The following NUMA1 variants were observed in gnomAD, a reference collection of about 807,000 sequenced individuals.
NUMA1 encodes the protein nuclear mitotic apparatus protein 1, also known as SP-H antigen.
Under a neutral mutation model 237.1 loss-of-function variants are expected in NUMA1, and 62 were observed. The ratio of observed to expected loss-of-function variants is 0.26; its 90% CI spans 0.21 to 0.32. NUMA1 has a LOEUF of 0.32. NUMA1 is among the 10% of genes least tolerant of loss of function. The probability of loss-of-function intolerance (pLI) is 1.00; values close to 1 mark genes in which losing one functional copy is unlikely to be tolerated. For missense variants in NUMA1, 2,533 were observed against 2,666.5 expected (o/e 0.95, Z 1.10); for synonymous variants, 1,028 against 1,066.1 (o/e 0.96, Z 0.70).
intron 3 of NUMA1, among the ~76,000 whole-genome samples, chr11:72,031,192 A>G (rs780773089): frequency 6.6e-6 from 1 of 152,054 alleles, no homozygotes; most frequent in Non-Finnish European, 1.5e-5. Flanking sequence ...TCCTACCTAC[A>G]TAAGAGGCTG....
chr11:72,021,547 T>G (rs747533552), intron 7 of NUMA1, among the ~76,000 whole-genome samples: 1 of 152,240 alleles, frequency 6.6e-6, no homozygotes, highest in Admixed American at 6.5e-5. Context: ...CTGACTGACT[T>G]AACTCCTGAC....
At chr11:72,016,573 G>T in intron 13 of NUMA1, 43 bp from the exon 14 acceptor site, 1 of 1,600,478 alleles carries the variant, frequency 6.2e-7, no homozygotes, top group East Asian at 2.2e-5. Flanking sequence ...GGGGGAACAG[G>T]CACCAGATTA....
At chr11:72,020,962 G>A (rs748822995) in intron 8 of NUMA1, 5 of 449,512 alleles carry the variant, frequency 1.1e-5, no homozygotes, top group African/African-American at 4.0e-5. Flanking sequence ...ACAAAAGTAG[G>A]TATGATCACT....
At position 72,013,633 on chromosome 11, in the gene NUMA1, C is replaced by T. The variant is rs760082607; in HGVS notation, c.3870G>A (p.Leu1290=). The change falls in exon 15 of 27, where the codon CTG becomes CTA. Residue 1290 remains leucine, a synonymous_variant. Coordinates refer to ENST00000393695, the MANE Select transcript of NUMA1 (RefSeq NM_006185.4). The surrounding 1 kb of genome is among the most constrained non-coding windows in gnomAD (Gnocchi z 6.8). ...SARAAERSSA[L]REEVQSLREE... ...CCCGGAGGCTCTGCACCTCCTCCCG[C>T]AGAGCAGAGCTGCGTTCTGCAGCTC... 2 of 1,610,370 alleles carry T rather than the reference C, an allele frequency of 1.2e-6. No homozygotes were observed. Among genetic ancestry groups the T allele is most frequent in the Non-Finnish European group, 1.7e-6 (2 of 1,179,982 alleles).
At chr11:72,008,538 C>A in intron 20 of NUMA1, 150 bp downstream of exon 20, 2 of 860,970 alleles carry the variant, frequency 2.3e-6, no homozygotes, top group South Asian at 1.6e-5. Context: ...TCCAACTGTG[C>A]CCTAAATAGA....
At position 72,037,333 on chromosome 11, in the gene NUMA1, G is replaced by A. The variant is rs138421146; in HGVS notation, c.-32-1358C>T. On this transcript the variant is annotated intron_variant, in intron 2 of 26. Coordinates refer to ENST00000393695, the MANE Select transcript of NUMA1 (RefSeq NM_006185.4). ...ATCCTGGCTAACATGGTGAAACCCC[G>A]TCTCTACTAAAAATACAAAAAAATT... Among the ~76,000 whole-genome samples, 709 of 152,180 alleles carry A rather than the reference G, an allele frequency of 4.7e-3. 4 individuals are homozygous for A. Among genetic ancestry groups the A allele is most frequent in the African/African-American group, 0.014 (563 of 41,510 alleles).
chr11:72,019,187 G>GA (rs370842228), intron 9 of NUMA1, among the ~76,000 whole-genome samples: 47 of 144,608 alleles, frequency 3.3e-4, no homozygotes, highest in South Asian at 8.7e-4. Context: ...TTCTTTGTCA[G>GA]AAAAAAAAAA....
At chr11:72,076,278 G>A (rs974809159) in intron 1 of NUMA1, among the ~76,000 whole-genome samples, 22 of 152,328 alleles carry the variant, frequency 1.4e-4, no homozygotes, top group African/African-American at 5.1e-4. Flanking sequence ...GGAGGCTGAG[G>A]TGGGCGGACT....
At position 72,021,091 on chromosome 11, in the gene NUMA1, A is replaced by G. The variant is rs547839030; in HGVS notation, c.460+113T>C. 25 of 826,168 alleles carry G rather than the reference A, an allele frequency of 3.0e-5. 1 individual carries two copies. Among genetic ancestry groups the G allele is most frequent in the African/African-American group, 2.0e-4 (12 of 59,442 alleles). 51.2% of individuals were successfully genotyped at this position (826,168 alleles called of 1,614,324 possible). ...TTACACACACTTTTCCTGAGCATCA[A>G]CTCTGCCTTGTGTTGGGGACAGAAA... On this transcript the variant is annotated intron_variant, in intron 8 of 26. Coordinates refer to ENST00000393695, the MANE Select transcript of NUMA1 (RefSeq NM_006185.4).
chr11:72,032,505 G>A (rs1034130739), intron 3 of NUMA1, among the ~76,000 whole-genome samples: 3 of 152,188 alleles, frequency 2.0e-5, no homozygotes, highest in Non-Finnish European at 4.4e-5. Context: ...CCAATTAGCT[G>A]ATGTAAAGTC....
In NUMA1 at chr11:72,029,185, G is replaced by GGGGTAT; in HGVS notation, c.128+14_128+19dup. On this transcript the variant is annotated intron_variant, in intron 4 of 26. Transcript: ENST00000393695. ...TCAGCTTTGCCTTAGAGGCTAGAAAGGGGTATGGTGCGTACTCACATTCTG... is the reference window on the plus strand; with the variant it reads ...TCAGCTTTGCCTTAGAGGCTAGAAAGGGGTATGGGTATGGTGCGTACTCACATTCTG... The GGGGTAT allele has an allele frequency of 6.3e-7, 1 of 1,585,346 alleles. No individual in the cohort carries two copies. Among genetic ancestry groups the GGGGTAT allele is most frequent in the South Asian group, 1.1e-5 (1 of 90,182 alleles).
At position 72,016,298 on chromosome 11, in the gene NUMA1, T is replaced by G. The variant is rs562771308; in HGVS notation, c.1243-38A>C. The G allele has an allele frequency of 1.3e-4, 204 of 1,583,574 alleles. No homozygotes were observed. The South Asian group carries it at 2.2e-3, about 17-fold the overall frequency. On this transcript the variant is annotated intron_variant, in intron 14 of 26. Coordinates refer to ENST00000393695, the MANE Select transcript of NUMA1 (RefSeq NM_006185.4). Reference sequence around the variant, plus strand: ...AGAGACAAACTGGGATCAGCATGACTCCTCAGTCATCAAGACTCCTCTGGA... The same window carrying G: ...AGAGACAAACTGGGATCAGCATGACGCCTCAGTCATCAAGACTCCTCTGGA...
chr11:72,031,574 T>G (rs1940315808), intron 3 of NUMA1, among the ~76,000 whole-genome samples: 1 of 151,994 alleles, frequency 6.6e-6, no homozygotes, highest in Non-Finnish European at 1.5e-5. Context: ...GTGGAAGGAC[T>G]GCTTGAGGCC....
intron 7 of NUMA1, 158 bp downstream of exon 7, chr11:72,022,181 T>C: frequency 1.7e-6 from 1 of 576,124 alleles, no homozygotes; most frequent in Non-Finnish European, 3.1e-6. Context: ...TCCTCCTGCA[T>C]GCTTTTCAAC....
chr11:72,010,922 C>G, intron 16 of NUMA1, 68 bp from the exon 17 acceptor site: 2 of 1,386,970 alleles, frequency 1.4e-6, no homozygotes, highest in Non-Finnish European at 2.1e-6. Context: ...TGGATGTCCA[C>G]CCATCATGGG....
chr11:72,051,272 T>G (rs765702923), intron 2 of NUMA1, among the ~76,000 whole-genome samples: 1 of 152,152 alleles, frequency 6.6e-6, no homozygotes, highest in Non-Finnish European at 1.5e-5. Context: ...CACTGAGAAG[T>G]ACAAAATTTC....
intron 8 of NUMA1, among the ~76,000 whole-genome samples, chr11:72,020,082 C>T (rs561318405): frequency 5.8e-4 from 89 of 152,330 alleles, no homozygotes; most frequent in Admixed American, 1.2e-3. Context: ...CTTCTCTTTC[C>T]GTGGTTTCCG....
Position 72,015,038 on chromosome 11 carries a change from T to G in NUMA1, c.2465A>C (p.Gln822Pro), listed in dbSNP as rs572885887. Residue 822 changes from glutamine to proline, a missense_variant, in exon 15 of 27, where the codon CAA (glutamine) becomes CCA (proline). By Grantham distance (76) the Gln-to-Pro change is moderately conservative. Around this residue, in one of 3 missense-constraint regions of NUMA1, gnomAD observed 1,414 missense variants for 1,508.1 expected, o/e 0.94. Transcript: ENST00000393695. This position sits in a 1 kb window ranked among gnomAD's most constrained non-coding sequence, Gnocchi z 4.0. ...CATGGCGCCATACTGTGCCTCCTCT[T>G]GCTGGCTATCCTCATACCGCTCACG... ...AWRERYEDSQ[Q>P]EEAQYGAMFQ... The G allele has an allele frequency of 3.7e-6, 6 of 1,614,106 alleles. No homozygotes were observed. In the Admixed American group the frequency reaches 1.0e-4, roughly 27 times the overall value.
At chr11:72,030,118 T>C (rs1241634112) in intron 3 of NUMA1, among the ~76,000 whole-genome samples, 2 of 152,034 alleles carry the variant, frequency 1.3e-5, no homozygotes, top group African/African-American at 4.8e-5. Flanking sequence ...GAAGATCACT[T>C]GAGCTCAGGA....
Sources: allele counts gnomAD v4.1 joint callset (sites outside exome capture counted in the v4.1 genomes callset), GRCh38; gene constraint gnomAD v4.1.1; regional missense constraint gnomAD v4.1.1; non-coding constraint Gnocchi (gnomAD v3.1); transcripts MANE v1.5; gene names NCBI Gene and HGNC (gene_info 2026-07-23, HGNC 2026-07-21).